The following FBXL17 variants were observed in gnomAD, a reference collection of about 807,000 sequenced individuals.
FBXL17 encodes F-box/LRR-repeat protein 17.
In FBXL17, 22 loss-of-function variants were observed where a neutral mutation model predicts 66.2. That is an observed-to-expected ratio of 0.33 (90% CI 0.24 to 0.47). The LOEUF is 0.47. Among genes scored for constraint, FBXL17 ranks in the 20% least tolerant of loss-of-function variants. The probability of loss-of-function intolerance (pLI) is 1.00; values close to 1 mark genes in which losing one functional copy is unlikely to be tolerated. For synonymous variants in FBXL17, 474 were observed against 400.5 expected, an observed-to-expected ratio of 1.18 and a Z score of -2.19; for missense variants, 878 against 948.2, an observed-to-expected ratio of 0.93 and a Z score of 0.97.
chr5:108,299,136 T>C (rs1272693541), intron 4 of FBXL17: 4 of 979,720 alleles, frequency 4.1e-6, no homozygotes, highest in Non-Finnish European at 4.8e-6. Flanking sequence ...TTTAAAATTG[T>C]TAAAAATCTG....
intron 4 of FBXL17, among the ~76,000 whole-genome samples, chr5:108,309,631 A>G (rs1759020143): frequency 6.6e-6 from 1 of 152,074 alleles, no homozygotes; most frequent in African/African-American, 2.4e-5. Flanking sequence ...ATAAAGTTCA[A>G]AGTGTACTAA....
intron 6 of FBXL17, among the ~76,000 whole-genome samples, chr5:108,123,947 C>G (rs1189097590): frequency 6.6e-6 from 1 of 152,092 alleles, no homozygotes; most frequent in Non-Finnish European, 1.5e-5. Flanking sequence ...AACTAAAGAT[C>G]ACCTACCAAC....
At chr5:107,936,061 A>T (rs924658401) in intron 7 of FBXL17, among the ~76,000 whole-genome samples, 2 of 152,180 alleles carry the variant, frequency 1.3e-5, no homozygotes, top group East Asian at 3.8e-4. Flanking sequence ...AGTTCAAATC[A>T]GCCACTTTGC....
intron 7 of FBXL17, among the ~76,000 whole-genome samples, chr5:107,944,460 C>T (rs889214424): frequency 9.9e-5 from 15 of 152,164 alleles, no homozygotes; most frequent in South Asian, 8.3e-4. Context: ...TAAACCAAAA[C>T]GTTACTCTCC....
chr5:108,306,993 A>G (rs1758872513), intron 4 of FBXL17, among the ~76,000 whole-genome samples: 1 of 151,934 alleles, frequency 6.6e-6, no homozygotes, highest in African/African-American at 2.4e-5. Context: ...CTTTTTTATG[A>G]TATACATTAT....
intron 6 of FBXL17, among the ~76,000 whole-genome samples, chr5:108,089,184 C>A (rs1749093853): frequency 6.6e-6 from 1 of 152,178 alleles, no homozygotes; most frequent in Non-Finnish European, 1.5e-5. Flanking sequence ...TCTCATCTCT[C>A]ACTTGGACTG....
chr5:107,986,644 A>G (rs2047134987), intron 7 of FBXL17, among the ~76,000 whole-genome samples: 1 of 151,752 alleles, frequency 6.6e-6, no homozygotes, highest in African/African-American at 2.4e-5. Flanking sequence ...TTAAAGTACA[A>G]TATTCTTTTA....
chr5:108,330,319 A>C (rs973488878), intron 4 of FBXL17, among the ~76,000 whole-genome samples: 1 of 152,224 alleles, frequency 6.6e-6, no homozygotes, highest in South Asian at 2.1e-4. Flanking sequence ...ACTGATCTAC[A>C]TCGAGAAAAG....
At chr5:108,333,361 G>A (rs749875827) in intron 4 of FBXL17, among the ~76,000 whole-genome samples, 7 of 151,990 alleles carry the variant, frequency 4.6e-5, no homozygotes, top group Non-Finnish European at 8.8e-5. Flanking sequence ...GAGACTTCAT[G>A]CAAAGATGGA....
At chr5:108,218,635 G>C (rs1452563220) in intron 5 of FBXL17, among the ~76,000 whole-genome samples, 1 of 152,018 alleles carries the variant, frequency 6.6e-6, no homozygotes, top group Non-Finnish European at 1.5e-5. Context: ...CAAGTGTAAG[G>C]TGATATCTCA....
At chr5:108,248,972 A>C (rs1266113778) in intron 4 of FBXL17, among the ~76,000 whole-genome samples, 2 of 152,162 alleles carry the variant, frequency 1.3e-5, no homozygotes. Context: ...TTAAAGAAGG[A>C]ATCTTGAAAC....
At chr5:108,249,645 G>A (rs534822817) in intron 4 of FBXL17, among the ~76,000 whole-genome samples, 70 of 152,166 alleles carry the variant, frequency 4.6e-4, no homozygotes, top group Middle Eastern at 6.8e-3. Flanking sequence ...TTTGCACCCC[G>A]GCCTTCGGGA....
intron 6 of FBXL17, among the ~76,000 whole-genome samples, chr5:108,098,585 A>C (rs1749477151): frequency 6.6e-6 from 1 of 151,982 alleles, no homozygotes; most frequent in African/African-American, 2.4e-5. Flanking sequence ...CTCTACTAAA[A>C]ATACAAAAAA....
intron 7 of FBXL17, among the ~76,000 whole-genome samples, chr5:107,973,504 A>G (rs1752461373): frequency 6.6e-6 from 1 of 151,936 alleles, no homozygotes; most frequent in Non-Finnish European, 1.5e-5. Context: ...CCACTCTGCT[A>G]ACTGTCATAC....
intron 3 of FBXL17, among the ~76,000 whole-genome samples, chr5:108,356,981 T>C (rs968779754): frequency 1.3e-5 from 2 of 152,030 alleles, no homozygotes; most frequent in Non-Finnish European, 2.9e-5. Context: ...AAAACTCCTC[T>C]TTTAAAGGCT....
At chr5:107,921,267 C>T (rs188256818) in intron 7 of FBXL17, among the ~76,000 whole-genome samples, 1 of 152,290 alleles carries the variant, frequency 6.6e-6, no homozygotes, top group African/African-American at 2.4e-5. Context: ...ATAATGTAGT[C>T]CCTGAGGCTT....
At chr5:107,927,166 T>G (rs1263968128) in intron 7 of FBXL17, among the ~76,000 whole-genome samples, 1 of 152,152 alleles carries the variant, frequency 6.6e-6, no homozygotes, top group Non-Finnish European at 1.5e-5. Context: ...CTTAAATATT[T>G]AAAATGTTAA....
intron 7 of FBXL17, among the ~76,000 whole-genome samples, chr5:107,893,805 C>A (rs1749282737): frequency 6.6e-6 from 1 of 152,118 alleles, no homozygotes; most frequent in Non-Finnish European, 1.5e-5. Flanking sequence ...GCGACATAAA[C>A]CATATAACAG....
rs140376895 is a variant in FBXL17, at chr5:108,162,490, T to C, written c.1745+23627A>G. ...GGGTGACAGAGCAAGACTCTGTCTC[T>C]AAAAAACAAACAAACAAACATACAA... On this transcript the variant is annotated intron_variant, in intron 6 of 8. Transcript: ENST00000542267. Among the ~76,000 whole-genome samples, 458 of 152,164 alleles carry C rather than the reference T, an allele frequency of 3.0e-3. 5 individuals carry two copies. The highest frequency in any genetic ancestry group is 0.011 in the African/African-American group (436 of 41,518).
Sources: allele counts gnomAD v4.1 joint callset (sites outside exome capture counted in the v4.1 genomes callset), GRCh38; gene constraint gnomAD v4.1.1; transcripts MANE v1.5; gene names NCBI Gene and HGNC (gene_info 2026-07-23, HGNC 2026-07-21).